The following DNAJC1 variants were observed in gnomAD, a reference collection of about 807,000 sequenced individuals.
DNAJC1 encodes the protein DnaJ heat shock protein family (Hsp40) member C1.
A neutral mutation model predicts 76.6 loss-of-function variants in DNAJC1; 58 were observed. The ratio of observed to expected loss-of-function variants is 0.76; its 90% CI spans 0.61 to 0.94. DNAJC1 has a LOEUF of 0.94. DNAJC1 is among the 40% of genes least tolerant of loss of function. The pLI is 0.00. For missense variants in DNAJC1, 689 were observed against 677.3 expected, an observed-to-expected ratio of 1.02 and a Z score of -0.19; for synonymous variants, 258 against 267.9, an observed-to-expected ratio of 0.96 and a Z score of 0.36.
chr10:21,772,271 C>CTTTTTTT (rs398045895), intron 9 of DNAJC1, among the ~76,000 whole-genome samples: 69 of 92,828 alleles, frequency 7.4e-4, no homozygotes, highest in African/African-American at 1.7e-3. Context: ...CACCCCTCTT[C>CTTTTTTT]TTTTTTTTTT....
At chr10:21,805,034 CA>C (rs2131641328) in intron 9 of DNAJC1, among the ~76,000 whole-genome samples, 1 of 152,068 alleles carries the variant, frequency 6.6e-6, no homozygotes, top group South Asian at 2.1e-4. Context: ...TAACTTACAG[CA>C]TTTATAAGCT....
intron 6 of DNAJC1, among the ~76,000 whole-genome samples, chr10:21,909,512 T>C (rs1836818263): frequency 6.6e-6 from 1 of 152,210 alleles, no homozygotes; most frequent in South Asian, 2.1e-4. Context: ...AGAACAGGAA[T>C]TGTTGTCTTT....
intron 8 of DNAJC1, among the ~76,000 whole-genome samples, chr10:21,850,751 C>T (rs138286797): frequency 2.0e-5 from 3 of 152,172 alleles, no homozygotes; most frequent in African/African-American, 7.2e-5. Flanking sequence ...CTGGAGAATT[C>T]ACACTTCCTG....
At chr10:21,758,963 CTT>C (rs762973078) in intron 11 of DNAJC1, among the ~76,000 whole-genome samples, 8 of 151,662 alleles carry the variant, frequency 5.3e-5, no homozygotes, top group Admixed American at 3.3e-4. Context: ...AACTTAGAAT[CTT>C]GAGCTCATCT....
chr10:21,854,173 C>T (rs1261664779), intron 8 of DNAJC1, among the ~76,000 whole-genome samples: 1 of 151,830 alleles, frequency 6.6e-6, no homozygotes, highest in African/African-American at 2.4e-5. Flanking sequence ...ATATAAGTCA[C>T]CAGGTAATTA....
Position 21,920,778 on chromosome 10 carries a change from G to T in DNAJC1, c.537+20C>A. ...TAAAATTAAGGAGGCTAGTTCATTT[G>T]ATTTATTACTAACACTTACCAGTTG... On this transcript the variant is annotated intron_variant, in intron 4 of 11. Transcript: ENST00000376980. The T allele has an allele frequency of 6.3e-7, 1 of 1,578,370 alleles. No individual in the cohort carries two copies. Among genetic ancestry groups the T allele is most frequent in the South Asian group, 1.2e-5 (1 of 85,336 alleles).
intron 8 of DNAJC1, among the ~76,000 whole-genome samples, chr10:21,821,840 C>T (rs1475977478): frequency 7.0e-6 from 1 of 143,676 alleles, no homozygotes. Flanking sequence ...TTAACCTATT[C>T]AGGAAAAAAA....
intron 8 of DNAJC1, among the ~76,000 whole-genome samples, chr10:21,843,397 T>A (rs968214355): frequency 2.7e-5 from 4 of 149,836 alleles, no homozygotes; most frequent in Non-Finnish European, 4.5e-5. Context: ...TTTCCCTTTT[T>A]TTTTTTTTTT....
At chr10:21,820,357 A>G (rs929878147) in intron 8 of DNAJC1, among the ~76,000 whole-genome samples, 9 of 152,104 alleles carry the variant, frequency 5.9e-5, no homozygotes, top group Admixed American at 5.2e-4. Flanking sequence ...CTACTTTTTG[A>G]TTATTAAAAA....
chr10:21,900,153 G>A lies in DNAJC1; in HGVS notation c.820+4369C>T, dbSNP rs369017185. Among the ~76,000 whole-genome samples, 4 of 152,138 alleles carry A rather than the reference G, an allele frequency of 2.6e-5. No individual in the cohort carries two copies. In the East Asian group the frequency reaches 7.7e-4, roughly 29 times the overall value. ...AGGTCAGGAGTTCGAGACCAGTCTG[G>A]ACAACATGGTGAAACCCCGTTTCTA... On this transcript the variant is annotated intron_variant, in intron 7 of 11. Coordinates refer to ENST00000376980, the MANE Select transcript of DNAJC1 (RefSeq NM_022365.4).
At chr10:21,844,178 T>G (rs1310155650) in intron 8 of DNAJC1, among the ~76,000 whole-genome samples, 2 of 152,178 alleles carry the variant, frequency 1.3e-5, no homozygotes, top group East Asian at 3.8e-4. Flanking sequence ...CATTCTCGAT[T>G]ATGTCTTTAT....
intron 8 of DNAJC1, among the ~76,000 whole-genome samples, chr10:21,847,769 C>G (rs150732804): frequency 1.8e-4 from 28 of 152,214 alleles, no homozygotes; most frequent in African/African-American, 6.3e-4. Context: ...AACAGAATTT[C>G]ATTCTTTTTT....
rs1836295330 is a variant in DNAJC1 at position 21,882,300 on chromosome 10, G to C, written c.960C>G (p.Asn320Lys). Residue 320 changes from asparagine to lysine, a missense_variant, in exon 8 of 12, where the codon AAC (asparagine) becomes AAG (lysine). Coordinates refer to ENST00000376980, the MANE Select transcript of DNAJC1 (RefSeq NM_022365.4). The stretch of plus-strand genomic sequence containing the variant: ...TATTTACCTGTTTTTTCTGTGTTCG[G>C]TTCCTGTTTTCCAACCAATCATCCA... ...EQMDDWLENRNRTQKKQAPEW... is the reference protein window; with the variant it reads ...EQMDDWLENRKRTQKKQAPEW... 1 of 1,594,598 alleles carries C rather than the reference G, an allele frequency of 6.3e-7. No individual in the cohort carries two copies. Among genetic ancestry groups the C allele is most frequent in the South Asian group, 1.2e-5 (1 of 85,922 alleles).
At chr10:21,903,200 T>C (rs1391982023) in intron 7 of DNAJC1, among the ~76,000 whole-genome samples, 1 of 152,208 alleles carries the variant, frequency 6.6e-6, no homozygotes, top group Non-Finnish European at 1.5e-5. Flanking sequence ...ATTACAGGCG[T>C]AAGCCACTGC....
At position 21,815,797 on chromosome 10, in the gene DNAJC1, G is replaced by A. The variant is rs555487651; in HGVS notation, c.979-9698C>T. 2.3e-4 allele frequency among the ~76,000 whole-genome samples: 35 copies of A among 151,664 alleles called. 1 individual carries two copies. In the South Asian group the frequency reaches 6.9e-3, roughly 30 times the overall value. On this transcript the variant is annotated intron_variant, in intron 8 of 11. Transcript: ENST00000376980. Reference sequence around the variant, plus strand: ...GTTTCCCTCTGTTGCACAGGCTGGAGGGCAGTGGTGTGAACTTGGCGCACT... The same window carrying A: ...GTTTCCCTCTGTTGCACAGGCTGGAAGGCAGTGGTGTGAACTTGGCGCACT...
At chr10:21,967,949 A>G (rs1041385897) in intron 1 of DNAJC1, among the ~76,000 whole-genome samples, 1 of 152,248 alleles carries the variant, frequency 6.6e-6, no homozygotes, top group Admixed American at 6.5e-5. Context: ...CCAGCTTGAC[A>G]GCCATATATC....
At chr10:21,763,561 GGTT>G (rs1373266193) in intron 10 of DNAJC1, among the ~76,000 whole-genome samples, 1 of 117,874 alleles carries the variant, frequency 8.5e-6, no homozygotes, top group Non-Finnish European at 1.8e-5. Context: ...AGTGTGTGCA[GGTT>G]GTTTTTTTTT....
At chr10:21,839,877 G>A (rs930441763) in intron 8 of DNAJC1, among the ~76,000 whole-genome samples, 5 of 152,174 alleles carry the variant, frequency 3.3e-5, no homozygotes, top group African/African-American at 7.2e-5. Context: ...ACCAAATCCA[G>A]CAGCACATCA....
chr10:21,770,876 C>T (rs1256824988), intron 9 of DNAJC1, among the ~76,000 whole-genome samples: 1 of 151,972 alleles, frequency 6.6e-6, no homozygotes, highest in Non-Finnish European at 1.5e-5. Flanking sequence ...AATTTTGAAG[C>T]TTTTGGTTGC....
Sources: gnomAD v4.1 joint callset for allele counts (sites outside exome capture counted in the v4.1 genomes callset) on GRCh38, gnomAD v4.1.1 for gene constraint, MANE v1.5 for transcripts, NCBI Gene and HGNC (gene_info 2026-07-23, HGNC 2026-07-21) for gene names.